TENM3: variants seen among roughly 807,000 people sequenced by gnomAD.
TENM3 encodes teneurin-3.
TENM3 carries 63 observed loss-of-function variants against 255.1 expected under a neutral mutation model. The observed-to-expected ratio is 0.25, with a 90% CI of 0.20 to 0.30. The LOEUF is 0.30. Ranked by LOEUF, TENM3 falls within the 10% of genes least tolerant of loss-of-function variation. The pLI, the probability that TENM3 is intolerant of heterozygous loss-of-function variation, is 1.00. For missense variants in TENM3, 2,929 were observed against 3,461.1 expected (o/e 0.85, Z 3.86); for synonymous variants, 1,306 against 1,322.3 (o/e 0.99, Z 0.27).
In TENM3 at chr4:182,664,303, C is replaced by G. The variant is rs187326259; in HGVS notation, c.1112-8702C>G. 1.5e-3 allele frequency among the ~76,000 whole-genome samples: 225 copies of G among 152,256 alleles called. 2 individuals carry two copies. Among genetic ancestry groups the G allele is most frequent in the Middle Eastern group, 6.8e-3 (2 of 294 alleles). On this transcript the variant is annotated intron_variant, in intron 6 of 27. Transcript: ENST00000511685. The stretch of plus-strand genomic sequence containing the variant: ...GTTACAGTGACCTTCAATCAGTGAC[C>G]TTTGATGTTGCTCTTATAATTGTTT...
In TENM3 at chr4:182,632,271, G is replaced by A. The variant is rs568067355; in HGVS notation, c.988+3382G>A. ...CTTGTACCTGTGTCCGTGCATGTTG[G>A]TGTGTGCGTATGTGTTCATTTGATC... On this transcript the variant is annotated intron_variant, in intron 5 of 27. Transcript: ENST00000511685. 6.1e-4 allele frequency among the ~76,000 whole-genome samples: 93 copies of A among 152,214 alleles called. 1 individual carries two copies. The highest frequency in any genetic ancestry group is 3.7e-3 in the South Asian group (18 of 4,812).
the TENM3 span, among the ~76,000 whole-genome samples, chr4:181,571,761 T>G: frequency 6.6e-5 from 10 of 152,342 alleles, no homozygotes; most frequent in Non-Finnish European, 7.3e-5. Flanking sequence ...AGCTGTTCCC[T>G]CTAACACCAA....
At chr4:182,717,531 G>C (rs941084579) in intron 13 of TENM3, among the ~76,000 whole-genome samples, 2 of 152,156 alleles carry the variant, frequency 1.3e-5, no homozygotes, top group African/African-American at 4.8e-5. Flanking sequence ...CCCCTCATCT[G>C]CTTCTCAAAT....
chr4:181,871,159 G>A, the TENM3 span, among the ~76,000 whole-genome samples: 1 of 151,568 alleles, frequency 6.6e-6, no homozygotes, highest in Non-Finnish European at 1.5e-5. Flanking sequence ...GAACACTGTA[G>A]TCTTGATATC....
chr4:181,639,040 G>A, the TENM3 span, among the ~76,000 whole-genome samples: 6 of 152,054 alleles, frequency 3.9e-5, no homozygotes, highest in Non-Finnish European at 8.8e-5. Context: ...AATTCATTTT[G>A]TTTTGCATTT....
the TENM3 span, among the ~76,000 whole-genome samples, chr4:181,508,961 A>T: frequency 6.8e-6 from 1 of 147,902 alleles, no homozygotes; most frequent in Admixed American, 6.8e-5. Context: ...AAATGCTAAC[A>T]AAATTGAGCA....
intron 3 of TENM3, among the ~76,000 whole-genome samples, chr4:182,432,965 G>A (rs71620930): frequency 0.033 from 5,006 of 150,616 alleles, 104 homozygotes; most frequent in Non-Finnish European, 0.052. Context: ...GGGATTACAG[G>A]CTTGAGCCAC....
At chr4:181,866,930 C>T in the TENM3 span, among the ~76,000 whole-genome samples, 2 of 151,684 alleles carry the variant, frequency 1.3e-5, no homozygotes, top group African/African-American at 2.4e-5. Context: ...CATCTAACCT[C>T]ATTGCCTTAA....
intron 3 of TENM3, among the ~76,000 whole-genome samples, chr4:182,566,286 G>A (rs1053264082): frequency 6.6e-6 from 1 of 152,180 alleles, no homozygotes; most frequent in African/African-American, 2.4e-5. Context: ...TTTGTGACGC[G>A]ATTTGGTACC....
At chr4:181,560,123 G>T in the TENM3 span, among the ~76,000 whole-genome samples, 1 of 152,200 alleles carries the variant, frequency 6.6e-6, no homozygotes. Context: ...GGTCTTGGAG[G>T]CTGGGAAGTT....
At chr4:182,622,724 A>G (rs1450052243) in intron 4 of TENM3, among the ~76,000 whole-genome samples, 3 of 152,324 alleles carry the variant, frequency 2.0e-5, no homozygotes, top group Non-Finnish European at 4.4e-5. Flanking sequence ...TGGCCAAGGT[A>G]CTTAACTTTT....
At chr4:182,634,550 G>A (rs1228232612) in intron 5 of TENM3, among the ~76,000 whole-genome samples, 2 of 151,820 alleles carry the variant, frequency 1.3e-5, no homozygotes, top group Non-Finnish European at 2.9e-5. Flanking sequence ...TTAACCTTTT[G>A]AGTTGCTGTG....
the TENM3 span, among the ~76,000 whole-genome samples, chr4:181,566,042 C>T: frequency 1.3e-5 from 2 of 151,962 alleles, no homozygotes; most frequent in African/African-American, 4.8e-5. Flanking sequence ...ACAGCAGAGT[C>T]CAACTATTTC....
chr4:182,230,526 A>G (rs2150011186), intron 1 of TENM3, among the ~76,000 whole-genome samples: 1 of 152,080 alleles, frequency 6.6e-6, no homozygotes, highest in East Asian at 1.9e-4. Flanking sequence ...GCAATAGAGC[A>G]GTGACCAAAA....
intron 3 of TENM3, among the ~76,000 whole-genome samples, chr4:182,578,303 C>T (rs150924436): frequency 1.3e-3 from 204 of 152,256 alleles, no homozygotes; most frequent in African/African-American, 3.8e-3. Flanking sequence ...CCTTCTCCAG[C>T]AGTTCTAATC....
intron 22 of TENM3, among the ~76,000 whole-genome samples, chr4:182,769,338 A>G (rs116714106): frequency 0.03 from 4,458 of 150,976 alleles, 177 homozygotes; most frequent in South Asian, 0.1. Flanking sequence ...TCCCCGGGTC[A>G]TTTTTCTGAT....
In TENM3 at chr4:182,166,877, GT is replaced by G. The variant is rs143482495; in HGVS notation, c.-76+22133del. Among the ~76,000 whole-genome samples the G allele has an allele frequency of 3.0e-4, 45 of 149,686 alleles. 1 individual carries two copies. Among genetic ancestry groups the G allele is most frequent in the Admixed American group, 6.7e-4 (10 of 15,020 alleles). On this transcript the variant is annotated intron_variant, in intron 1 of 2. Transcript: ENST00000512480. ...TTTGTTATAATTGTTAAACTCTTGG[GT>G]TTTTTTTTTAAAGACTTAGAATATC...
At chr4:182,423,782 A>G (rs1731861385) in intron 3 of TENM3, among the ~76,000 whole-genome samples, 1 of 152,200 alleles carries the variant, frequency 6.6e-6, no homozygotes, top group African/African-American at 2.4e-5. Context: ...GATTTAAAAT[A>G]GTTTTAATAT....
chr4:181,918,933 A>G, the TENM3 span, among the ~76,000 whole-genome samples: 1 of 152,214 alleles, frequency 6.6e-6, no homozygotes, highest in African/African-American at 2.4e-5. Flanking sequence ...CAAAAAGGCA[A>G]CTTTAATAGG....
Sources: allele counts gnomAD v4.1 joint callset (sites outside exome capture counted in the v4.1 genomes callset), GRCh38; gene constraint gnomAD v4.1.1; transcripts MANE v1.5; gene names NCBI Gene and HGNC (gene_info 2026-07-23, HGNC 2026-07-21).